CDK8: variants seen among roughly 807,000 people sequenced by gnomAD.
CDK8 encodes the protein cyclin-dependent kinase 8.
Under a neutral mutation model 71.5 loss-of-function variants are expected in CDK8, and 29 were observed. That is an observed-to-expected ratio of 0.41 (90% confidence interval 0.30 to 0.55). The LOEUF (loss-of-function observed/expected upper bound fraction) is 0.55, where lower values mean the gene tolerates loss of function less well. CDK8 is among the 20% of genes least tolerant of loss of function. The pLI is 0.37. For synonymous variants in CDK8, 161 were observed against 192.1 expected (o/e 0.84, Z 1.34); for missense variants, 288 against 572.6 (o/e 0.50, Z 5.07).
At chr13:26,273,356 T>A (rs1291212961) in intron 1 of CDK8, among the ~76,000 whole-genome samples, 1 of 152,212 alleles carries the variant, frequency 6.6e-6, no homozygotes, top group Non-Finnish European at 1.5e-5. Context: ...TTTTTTGTAG[T>A]TCATGAAGTT....
chr13:26,381,991 A>T (rs1368097518), intron 4 of CDK8, among the ~76,000 whole-genome samples: 1 of 152,136 alleles, frequency 6.6e-6, no homozygotes, highest in Non-Finnish European at 1.5e-5. Context: ...GGTAGAATTC[A>T]AGTCAAATCA....
intron 1 of CDK8, among the ~76,000 whole-genome samples, chr13:26,328,340 CA>C (rs1160548992): frequency 6.6e-6 from 1 of 152,144 alleles, no homozygotes; most frequent in Non-Finnish European, 1.5e-5. Context: ...TTCCTTAAAG[CA>C]TGTCTTTTTC....
At chr13:26,322,752 G>A (rs9581634) in intron 1 of CDK8, among the ~76,000 whole-genome samples, 6,389 of 152,162 alleles carry the variant, frequency 0.042, 428 homozygotes, top group African/African-American at 0.14. Context: ...CTTCCCTCCA[G>A]TCTTGATCCC....
At chr13:26,268,815 C>T (rs913807183) in intron 1 of CDK8, among the ~76,000 whole-genome samples, 1 of 152,136 alleles carries the variant, frequency 6.6e-6, no homozygotes, top group African/African-American at 2.4e-5. Flanking sequence ...TGGTATTCTA[C>T]CTCCATGCAG....
At chr13:26,282,717 A>G (rs1325736636) in intron 1 of CDK8, among the ~76,000 whole-genome samples, 1 of 152,198 alleles carries the variant, frequency 6.6e-6, no homozygotes, top group African/African-American at 2.4e-5. Flanking sequence ...TCACATCTCA[A>G]TACCAACATT....
At chr13:26,312,768 TCTTG>T (rs1874347542) in intron 1 of CDK8, among the ~76,000 whole-genome samples, 1 of 152,222 alleles carries the variant, frequency 6.6e-6, no homozygotes, top group African/African-American at 2.4e-5. Flanking sequence ...TTGTGTGCCC[TCTTG>T]CTTCTGTGCC....
intron 4 of CDK8, chr13:26,359,708 A>G (rs926233446): frequency 1.9e-5 from 8 of 427,736 alleles, no homozygotes; most frequent in African/African-American, 1.7e-4. Context: ...ATGTGGCCTC[A>G]TTTTTTTCTT....
At chr13:26,326,801 G>T (rs1875039573) in intron 1 of CDK8, among the ~76,000 whole-genome samples, 1 of 152,164 alleles carries the variant, frequency 6.6e-6, no homozygotes, top group African/African-American at 2.4e-5. Context: ...TTCAAAAATA[G>T]CCAGACACCT....
chr13:26,283,726 C>T (rs1190908384), intron 1 of CDK8, among the ~76,000 whole-genome samples: 1 of 152,004 alleles, frequency 6.6e-6, no homozygotes, highest in East Asian at 1.9e-4. Context: ...GGTGAAACCC[C>T]TTCTCTACTA....
intron 12 of CDK8, among the ~76,000 whole-genome samples, chr13:26,403,644 C>T (rs1447820413): frequency 6.6e-6 from 1 of 152,018 alleles, no homozygotes; most frequent in Non-Finnish European, 1.5e-5. Flanking sequence ...TCTGGGTAAA[C>T]ATCTCAAGCA....
In CDK8 at chr13:26,351,423, G is replaced by A. The variant is rs116497903; in HGVS notation, c.315+2241G>A. 6.5e-3 allele frequency among the ~76,000 whole-genome samples: 986 copies of A among 151,830 alleles called. 10 individuals are homozygous for A. The highest frequency in any genetic ancestry group is 0.021 in the African/African-American group (877 of 41,396). Reference sequence around the variant, plus strand: ...ATCAGATCAACCCTGTTAAATCAGCGTGGCCAGTATTAAATTGAACACTCA... The same window carrying A: ...ATCAGATCAACCCTGTTAAATCAGCATGGCCAGTATTAAATTGAACACTCA... On this transcript the variant is annotated intron_variant, in intron 3 of 12. Transcript: ENST00000381527.
intron 1 of CDK8, among the ~76,000 whole-genome samples, chr13:26,315,350 C>G (rs1874460435): frequency 6.6e-6 from 1 of 152,194 alleles, no homozygotes; most frequent in African/African-American, 2.4e-5. Context: ...TGAAAGGCTT[C>G]TGACAGCTTA....
At chr13:26,398,134 T>G (rs1023563892) in intron 9 of CDK8, among the ~76,000 whole-genome samples, 1 of 152,232 alleles carries the variant, frequency 6.6e-6, no homozygotes, top group Non-Finnish European at 1.5e-5. Context: ...TTATATCAGT[T>G]CACATTTTAT....
intron 1 of CDK8, among the ~76,000 whole-genome samples, chr13:26,260,044 G>GTTCCATCA (rs1871704321): frequency 6.6e-6 from 1 of 152,070 alleles, no homozygotes; most frequent in Non-Finnish European, 1.5e-5. Context: ...TAGAAGACAG[G>GTTCCATCA]GAAGGTCTCA....
intron 1 of CDK8, among the ~76,000 whole-genome samples, chr13:26,336,550 CTTTTTTTTT>C (rs1227344754): frequency 1.1e-3 from 134 of 121,186 alleles, no homozygotes; most frequent in Middle Eastern, 4.5e-3. Context: ...TCTGAGGAGT[CTTTTTTTTT>C]TTTTTTTTTT....
Position 26,353,725 on chromosome 13 carries a change from T to G in CDK8, c.316-15T>G, listed in dbSNP as rs1873777809. ...TTTTTTTAAGCTTCTGTTGATATTT[T>G]TTTCTTTCTTTCAGCATATAATCAA... On this transcript the variant is annotated splice_polypyrimidine_tract_variant and intron_variant, in intron 3 of 12. Transcript: ENST00000381527. 6.3e-7 allele frequency: 1 copy of G among 1,584,810 alleles called. No individual in the cohort carries two copies. Among genetic ancestry groups the G allele is most frequent in the African/African-American group, 1.4e-5 (1 of 73,880 alleles).
intron 1 of CDK8, among the ~76,000 whole-genome samples, chr13:26,335,125 G>A (rs929831425): frequency 2.0e-5 from 3 of 151,876 alleles, no homozygotes; most frequent in Non-Finnish European, 4.4e-5. Context: ...CTCTAACCTC[G>A]TGTATTACTC....
intron 4 of CDK8, among the ~76,000 whole-genome samples, chr13:26,363,463 G>C (rs1022475384): frequency 7.9e-5 from 12 of 151,962 alleles, no homozygotes; most frequent in African/African-American, 2.9e-4. Flanking sequence ...TAGATTTGGG[G>C]AGTGTTTCAG....
intron 1 of CDK8, among the ~76,000 whole-genome samples, chr13:26,319,468 TAA>T (rs541642068): frequency 1.7e-4 from 24 of 137,388 alleles, no homozygotes; most frequent in Admixed American, 2.2e-4. Flanking sequence ...AAACTCCACT[TAA>T]AAAAAAAAAA....
Sources: allele counts gnomAD v4.1 joint callset (sites outside exome capture counted in the v4.1 genomes callset), GRCh38; gene constraint gnomAD v4.1.1; transcripts MANE v1.5; gene names NCBI Gene and HGNC (gene_info 2026-07-23, HGNC 2026-07-21).